PRDM13: variants seen among roughly 807,000 people sequenced by gnomAD.
PRDM13 encodes the protein PR/SET domain 13, also known as PR domain zinc finger protein 13.
PRDM13 carries 15 observed loss-of-function variants against 36.4 expected under a neutral mutation model. That is an observed-to-expected ratio of 0.41 (90% CI 0.28 to 0.64). PRDM13 has a LOEUF of 0.64. Ranked by LOEUF, PRDM13 falls within the 30% of genes least tolerant of loss-of-function variation. The pLI is 0.29. For synonymous variants in PRDM13, 531 were observed against 467.7 expected, an observed-to-expected ratio of 1.14 and a Z score of -1.75; for missense variants, 1,044 against 1,013.5, an observed-to-expected ratio of 1.03 and a Z score of -0.41.
intron 1 of PRDM13, among the ~76,000 whole-genome samples, chr6:99,607,659 A>G (rs946924086): frequency 1.1e-4 from 16 of 151,538 alleles, no homozygotes; most frequent in African/African-American, 3.4e-4. Context: ...AATCTTTGGG[A>G]GGCTCTCAGT....
In PRDM13 at chr6:99,614,263, C is replaced by T. The variant is rs898362431; in HGVS notation, c.1628C>T (p.Ser543Leu). The T allele has an allele frequency of 6.2e-7, 1 of 1,608,264 alleles. No individual in the cohort carries two copies. Among genetic ancestry groups the T allele is most frequent in the Non-Finnish European group, 8.5e-7 (1 of 1,178,006 alleles). ...AAGKGRGRLD[S>L]GTLPPAVAAA... ...GGGAAGGGTCGCGGACGCCTGGACT[C>T]GGGGACGTTGCCACCGGCCGTCGCG... The change falls in exon 4 of 4, where the codon TCG (serine) becomes TTG (leucine). Residue 543 changes from serine to leucine, a missense_variant. Coordinates refer to ENST00000369215, the MANE Select transcript of PRDM13 (RefSeq NM_021620.4).
Position 99,613,066 on chromosome 6 carries a change from G to C in PRDM13, c.431G>C (p.Arg144Thr), listed in dbSNP as rs1459635070. Reference protein sequence around the residue: ...EERYICWYCWRTFRYPNSLKA... With the variant: ...EERYICWYCWTTFRYPNSLKA... Reference sequence around the variant, plus strand: ...CGCTACATCTGCTGGTACTGCTGGAGGACGTTTAGATACCCCAACAGCCTT... The same window carrying C: ...CGCTACATCTGCTGGTACTGCTGGACGACGTTTAGATACCCCAACAGCCTT... Residue 144 changes from arginine (R) to threonine (T), a missense_variant, in exon 4 of 4, where the codon AGG (arginine) becomes ACG (threonine). By Grantham distance (71) the Arg-to-Thr change is moderately conservative. This residue lies in a region of PRDM13 where 921 missense variants were observed against 865.2 expected (regional missense o/e 1.06). Coordinates refer to ENST00000369215, the MANE Select transcript of PRDM13 (RefSeq NM_021620.4). The surrounding 1 kb of genome is among the most constrained non-coding windows in gnomAD (Gnocchi z 6.1). 1.2e-6 allele frequency: 2 copies of C among 1,613,826 alleles called. No individual in the cohort carries two copies. Among genetic ancestry groups the C allele is most frequent in the Non-Finnish European group, 8.5e-7 (1 of 1,180,034 alleles).
rs772185121 is a variant in PRDM13 at position 99,613,629 on chromosome 6, G to A, written c.994G>A (p.Gly332Arg). 956 of 1,453,884 alleles carry A rather than the reference G, an allele frequency of 6.6e-4. 2 individuals carry two copies. The highest frequency in any genetic ancestry group is 3.2e-3 in the Middle Eastern group (13 of 4,112). The allele number at this position is 1,453,884 out of a possible 1,614,324, so 90.1% of individuals were successfully genotyped here. ...AGLALGRLLG[G>R]GRACGRPGSG... ...CCTCGCTTTGGGCAGGCTGCTGGGC[G>A]GGGGCCGGGCGTGCGGGCGCCCCGG... The change falls in exon 4 of 4, where the codon GGG (glycine) becomes AGG (arginine). Residue 332 changes from glycine to arginine, a missense_variant. This residue lies in a region of PRDM13 where 921 missense variants were observed against 865.2 expected (regional missense o/e 1.06). Coordinates refer to ENST00000369215, the MANE Select transcript of PRDM13 (RefSeq NM_021620.4). This position sits in a 1 kb window ranked among gnomAD's most constrained non-coding sequence, Gnocchi z 6.1.
rs758246278 is a variant in PRDM13, at chr6:99,609,325, G to A, written c.397+18G>A. On this transcript the variant is annotated intron_variant, in intron 3 of 3. Transcript: ENST00000369215. Reference sequence around the variant, plus strand: ...CGAGAAAGGTACCCATTCCAAAAGCGTGGATGGGCAAAAGTCCAGCCCTCC... The same window carrying A: ...CGAGAAAGGTACCCATTCCAAAAGCATGGATGGGCAAAAGTCCAGCCCTCC... The A allele has an allele frequency of 1.1e-5, 18 of 1,613,478 alleles. 1 individual carries two copies. The South Asian group carries it at 1.8e-4, about 16-fold the overall frequency.
intron 3 of PRDM13, among the ~76,000 whole-genome samples, chr6:99,609,622 A>G (rs934519016): frequency 6.6e-6 from 1 of 152,192 alleles, no homozygotes; most frequent in Non-Finnish European, 1.5e-5. Flanking sequence ...GCGGTAGCTC[A>G]CACCTGTAAT....
intron 3 of PRDM13, 152 bp downstream of exon 3, chr6:99,609,459 A>C: frequency 9.0e-7 from 1 of 1,106,754 alleles, no homozygotes; most frequent in Admixed American, 2.7e-5. Flanking sequence ...CTACCTCCTT[A>C]AAATCAACCA....
At position 99,613,954 on chromosome 6, in the gene PRDM13, A is replaced by G; in HGVS notation, c.1319A>G (p.Asp440Gly). Residue 440 changes from aspartate (D) to glycine (G), a missense_variant, in exon 4 of 4, where the codon GAC (aspartate) becomes GGC (glycine). Asp to Gly is a moderately conservative substitution (Grantham distance 94, BLOSUM62 -1). Coordinates refer to ENST00000369215, the MANE Select transcript of PRDM13 (RefSeq NM_021620.4). The surrounding 1 kb of genome is among the most constrained non-coding windows in gnomAD (Gnocchi z 6.1). Reference protein sequence around the residue: ...PLERCALPPLDPGGLKAYPGG... With the variant: ...PLERCALPPLGPGGLKAYPGG... Reference sequence around the variant, plus strand: ...GAGCGCTGCGCGCTGCCGCCCCTCGACCCGGGCGGTCTCAAAGCCTATCCG... The same window carrying G: ...GAGCGCTGCGCGCTGCCGCCCCTCGGCCCGGGCGGTCTCAAAGCCTATCCG... The G allele has an allele frequency of 6.3e-7, 1 of 1,592,256 alleles. No homozygotes were observed. Among genetic ancestry groups the G allele is most frequent in the East Asian group, 2.4e-5 (1 of 42,296 alleles).
intron 1 of PRDM13, among the ~76,000 whole-genome samples, chr6:99,608,015 T>C (rs1769974773): frequency 6.6e-6 from 1 of 152,206 alleles, no homozygotes; most frequent in Admixed American, 6.5e-5. Context: ...AAGTCTGGGG[T>C]AGAAGAAAGG....
intron 1 of PRDM13, among the ~76,000 whole-genome samples, chr6:99,608,243 C>G (rs1769979852): frequency 6.6e-6 from 1 of 152,166 alleles, no homozygotes; most frequent in Non-Finnish European, 1.5e-5. Flanking sequence ...CCCGCTTGGG[C>G]TTTGTTCCGA....
At chr6:99,611,721 G>A (rs1426005065) in intron 3 of PRDM13, among the ~76,000 whole-genome samples, 1 of 152,312 alleles carries the variant, frequency 6.6e-6, no homozygotes, top group African/African-American at 2.4e-5. Context: ...TATTTCTGTA[G>A]TAATATTTCA....
intron 3 of PRDM13, among the ~76,000 whole-genome samples, chr6:99,609,897 T>TTA (rs1562507954): frequency 7.1e-6 from 1 of 140,654 alleles, no homozygotes. Context: ...AATAAATAAA[T>TTA]AAAAATAAAA....
intron 3 of PRDM13, among the ~76,000 whole-genome samples, chr6:99,611,231 T>C (rs1228963018): frequency 6.6e-6 from 1 of 152,180 alleles, no homozygotes; most frequent in African/African-American, 2.4e-5. Context: ...TTCAATTTCA[T>C]AGTAAGATGG....
chr6:99,608,439 A>G (rs955512849), intron 1 of PRDM13, among the ~76,000 whole-genome samples: 1 of 152,094 alleles, frequency 6.6e-6, no homozygotes, highest in Non-Finnish European at 1.5e-5. Flanking sequence ...GTAGGGGACA[A>G]CTTGGTACAA....
chr6:99,614,056 C>A lies in PRDM13; in HGVS notation c.1421C>A (p.Pro474Gln), dbSNP rs771414811. Residue 474 changes from proline to glutamine, a missense_variant, in exon 4 of 4, where the codon CCG (proline) becomes CAG (glutamine). Physicochemically the swap from Pro to Gln is moderately conservative, Grantham distance 76 (BLOSUM62 -1). This residue lies in a region of PRDM13 where 921 missense variants were observed against 865.2 expected (regional missense o/e 1.06). Coordinates refer to ENST00000369215, the MANE Select transcript of PRDM13 (RefSeq NM_021620.4). Reference sequence around the variant, plus strand: ...AACGGGGAGCTGCTCTACGGCTCACCGGCCACCACCGCTTATTACCCGCTC... The same window carrying A: ...AACGGGGAGCTGCTCTACGGCTCACAGGCCACCACCGCTTATTACCCGCTC... The part of the protein sequence containing the change: ...VYNGELLYGS[P>Q]ATTAYYPLKL... 3 of 1,606,582 alleles carry A rather than the reference C, an allele frequency of 1.9e-6. No homozygotes were observed. The highest frequency in any genetic ancestry group is 2.7e-5 in the African/African-American group (2 of 74,690).
intron 1 of PRDM13, among the ~76,000 whole-genome samples, chr6:99,607,941 C>T (rs1158526739): frequency 6.6e-6 from 1 of 152,250 alleles, no homozygotes; most frequent in East Asian, 1.9e-4. Context: ...TTATAGCACT[C>T]GCCCGCTTTG....
chr6:99,613,025 T>C lies in PRDM13; in HGVS notation c.398-8T>C, dbSNP rs764854703. On this transcript the variant is annotated splice_region_variant and splice_polypyrimidine_tract_variant and intron_variant, in intron 3 of 3. Coordinates refer to ENST00000369215, the MANE Select transcript of PRDM13 (RefSeq NM_021620.4). This position sits in a 1 kb window ranked among gnomAD's most constrained non-coding sequence, Gnocchi z 6.1. ...CACCGGGTCGCTTTTCCATTCTTTC[T>C]TGCCCAGGGGAGGAGCGCTACATCT... The C allele has an allele frequency of 6.2e-7, 1 of 1,612,750 alleles. No individual in the cohort carries two copies. The highest frequency in any genetic ancestry group is 1.1e-5 in the South Asian group (1 of 90,954).
In PRDM13 at chr6:99,613,181, C is replaced by T. The variant is rs1562508640; in HGVS notation, c.546C>T (p.Val182=). ...HHEHAARQGA[V]PAADGLGLSP... is the part of the protein sequence containing the mutation. ...AACACGCGGCTCGCCAAGGCGCCGT[C>T]CCAGCGGCTGATGGCCTCGGTCTCT... The change falls in exon 4 of 4, where the codon GTC becomes GTT. Residue 182 remains valine, a synonymous_variant. Coordinates refer to ENST00000369215, the MANE Select transcript of PRDM13 (RefSeq NM_021620.4). The surrounding 1 kb of genome is among the most constrained non-coding windows in gnomAD (Gnocchi z 6.1). 1 of 1,612,688 alleles carries T rather than the reference C, an allele frequency of 6.2e-7. No individual in the cohort carries two copies. The highest frequency in any genetic ancestry group is 8.5e-7 in the Non-Finnish European group (1 of 1,179,814).
rs1278547545 is a variant in PRDM13, at chr6:99,613,611, T to C, written c.976T>C (p.Leu326=). The change falls in exon 4 of 4, where the codon TTG becomes CTG. Residue 326 remains leucine, a synonymous_variant. Transcript: ENST00000369215. The surrounding 1 kb of genome is among the most constrained non-coding windows in gnomAD (Gnocchi z 6.1). ...CAGCAAGCAAGGAGCCGGCCTCGCT[T>C]TGGGCAGGCTGCTGGGCGGGGGCCG... ...SSSKQGAGLA[L]GRLLGGGRAC... 3.4e-6 allele frequency: 5 copies of C among 1,479,924 alleles called. No homozygotes were observed. Among genetic ancestry groups the C allele is most frequent in the South Asian group, 1.3e-5 (1 of 77,414 alleles). 91.7% of individuals were successfully genotyped at this position (1,479,924 alleles called of 1,614,324 possible).
At position 99,613,404 on chromosome 6, in the gene PRDM13, C is replaced by A. The variant is rs759682162; in HGVS notation, c.769C>A (p.Arg257Ser). 6.4e-7 allele frequency: 1 copy of A among 1,557,284 alleles called. No individual in the cohort carries two copies. The highest frequency in any genetic ancestry group is 1.2e-5 in the South Asian group (1 of 85,776). The change falls in exon 4 of 4, where the codon CGT becomes AGT. Residue 257 changes from arginine (R) to serine (S), a missense_variant. By Grantham distance (110) the Arg-to-Ser change is moderately radical. Coordinates refer to ENST00000369215, the MANE Select transcript of PRDM13 (RefSeq NM_021620.4). This position sits in a 1 kb window ranked among gnomAD's most constrained non-coding sequence, Gnocchi z 6.1. ...QPKKGKEQLD[R>S]ALDMSGAARG... The stretch of plus-strand genomic sequence containing the variant: ...CAAGAAGGGCAAGGAGCAGCTGGAC[C>A]GTGCCCTGGACATGAGCGGAGCCGC...
Sources: gnomAD v4.1 joint callset for allele counts (sites outside exome capture counted in the v4.1 genomes callset) on GRCh38, gnomAD v4.1.1 for gene constraint, gnomAD v4.1.1 regional missense constraint, Gnocchi (gnomAD v3.1) non-coding constraint, MANE v1.5 for transcripts, NCBI Gene and HGNC (gene_info 2026-07-23, HGNC 2026-07-21) for gene names.